CCDC141: variants seen among roughly 807,000 people sequenced by gnomAD.
The protein encoded by CCDC141 is coiled-coil domain-containing protein 141.
A neutral mutation model predicts 181.0 loss-of-function variants in CCDC141; 168 were observed. The ratio of observed to expected loss-of-function variants is 0.93; its 90% CI spans 0.82 to 1.05. The LOEUF (loss-of-function observed/expected upper bound fraction) is 1.05. CCDC141 is among the 50% of genes least tolerant of loss of function. CCDC141 has a pLI of 0.00. For missense variants in CCDC141, 1,902 were observed against 1,788.5 expected (o/e 1.06, Z -1.14); for synonymous variants, 666 against 642.3 (o/e 1.04, Z -0.56).
intron 2 of CCDC141, among the ~76,000 whole-genome samples, chr2:179,005,721 A>G (rs2042105870): frequency 6.6e-6 from 1 of 151,916 alleles, no homozygotes. Flanking sequence ...TGCAACCTCT[A>G]CTTCCCCCGA....
intron 4 of CCDC141, 124 bp from the exon 5 acceptor site, chr2:178,961,607 C>A: frequency 1.2e-6 from 1 of 854,568 alleles, no homozygotes; most frequent in South Asian, 2.1e-5. Context: ...AGTTGTGCTG[C>A]AAGGAATTAA....
chr2:178,984,604 T>C (rs1427741838), intron 2 of CCDC141, among the ~76,000 whole-genome samples: 2 of 148,500 alleles, frequency 1.3e-5, no homozygotes, highest in Non-Finnish European at 3.0e-5. Flanking sequence ...AGGCTCAAAA[T>C]AAAAGGATGG....
At chr2:178,844,793 G>A (rs1462039333) in intron 22 of CCDC141, among the ~76,000 whole-genome samples, 1 of 152,184 alleles carries the variant, frequency 6.6e-6, no homozygotes, top group African/African-American at 2.4e-5. Context: ...CACAAGAAGT[G>A]TATTTTATTA....
chr2:179,007,927 GTTAA>G (rs1395494226), intron 2 of CCDC141, among the ~76,000 whole-genome samples: 2 of 152,188 alleles, frequency 1.3e-5, no homozygotes, highest in Admixed American at 6.5e-5. Flanking sequence ...ACGCAGTGAT[GTTAA>G]TTGATTCAGA....
intron 4 of CCDC141, among the ~76,000 whole-genome samples, chr2:178,964,685 C>A (rs762044000): frequency 1.3e-5 from 2 of 152,128 alleles, no homozygotes; most frequent in Non-Finnish European, 2.9e-5. Flanking sequence ...CAGTTTCTTA[C>A]GTTTTTCTTT....
intron 16 of CCDC141, 29 bp from the exon 17 acceptor site, chr2:178,865,945 A>G: frequency 7.0e-7 from 1 of 1,427,268 alleles, no homozygotes; most frequent in South Asian, 1.7e-5. Flanking sequence ...GGTAACAGAG[A>G]GAAAGGACGA....
Position 178,850,149 on chromosome 2 carries a change from CCTT to C in CCDC141, c.3254_3256del (p.Glu1085del), listed in dbSNP as rs1274548262. The C allele has an allele frequency of 1.5e-5, 24 of 1,595,392 alleles. No individual in the cohort carries two copies. The highest frequency in any genetic ancestry group is 6.7e-5 in the African/African-American group (5 of 74,396). On this transcript the variant is annotated inframe_deletion, in exon 21 of 24. Transcript: ENST00000443758. ...CACTATTTTCTCAATATATTTCTGTCCTTCTTCCAAACCTGGGGAGGAGAAGGA... is the reference window on the plus strand; with the variant it reads ...CACTATTTTCTCAATATATTTCTGTCCTTCCAAACCTGGGGAGGAGAAGGA...
At chr2:178,884,773 TA>T in intron 11 of CCDC141, 127 bp downstream of exon 11, 1 of 602,442 alleles carries the variant, frequency 1.7e-6, no homozygotes. Flanking sequence ...ACAGGGCCTA[TA>T]AGTGAGCCCA....
intron 2 of CCDC141, among the ~76,000 whole-genome samples, chr2:179,034,925 A>C (rs1424117182): frequency 6.6e-6 from 1 of 152,120 alleles, no homozygotes; most frequent in African/African-American, 2.4e-5. Flanking sequence ...TTTCCACGTA[A>C]ATTGCAAATA....
At chr2:179,022,050 T>C (rs1001356240) in intron 2 of CCDC141, among the ~76,000 whole-genome samples, 4 of 152,198 alleles carry the variant, frequency 2.6e-5, no homozygotes, top group African/African-American at 9.6e-5. Context: ...AAATGACTCT[T>C]CCATATCTGT....
chr2:179,028,911 T>A (rs570879746), intron 2 of CCDC141, among the ~76,000 whole-genome samples: 16 of 152,310 alleles, frequency 1.1e-4, no homozygotes, highest in Admixed American at 2.0e-4. Context: ...CGTAAAACTC[T>A]ATTTTGTTAA....
chr2:178,903,456 G>T (rs534661210), intron 8 of CCDC141, among the ~76,000 whole-genome samples: 1 of 151,942 alleles, frequency 6.6e-6, no homozygotes, highest in Middle Eastern at 3.2e-3. Context: ...GTCCTTTGTA[G>T]GGACATGGAT....
chr2:178,993,742 G>A (rs967852633), intron 2 of CCDC141, among the ~76,000 whole-genome samples: 15 of 152,248 alleles, frequency 9.9e-5, no homozygotes, highest in Middle Eastern at 3.4e-3. Flanking sequence ...CTGCCTATGA[G>A]CCTGTAAAAT....
intron 2 of CCDC141, among the ~76,000 whole-genome samples, chr2:179,004,838 C>T (rs1202177801): frequency 6.6e-6 from 1 of 152,152 alleles, no homozygotes; most frequent in East Asian, 1.9e-4. Flanking sequence ...TCAAGCCATC[C>T]TCCTGCCTCG....
At position 179,027,770 on chromosome 2, in the gene CCDC141, C is replaced by T. The variant is rs150538238; in HGVS notation, c.225+19514G>A. ...TTGCCTTCCACCATGATTGTGAGGC[C>T]TCCCCAACCATGTGGAACAGTAAGT... On this transcript the variant is annotated intron_variant, in intron 2 of 23. Coordinates refer to ENST00000443758, the MANE Select transcript of CCDC141 (RefSeq NM_173648.4). Among the ~76,000 whole-genome samples the T allele has an allele frequency of 2.2e-4, 34 of 151,450 alleles. No individual in the cohort carries two copies. In the East Asian group the frequency reaches 6.7e-3, roughly 30 times the overall value.
chr2:178,852,155 A>C (rs947212540), intron 20 of CCDC141, among the ~76,000 whole-genome samples: 7 of 152,336 alleles, frequency 4.6e-5, no homozygotes, highest in Non-Finnish European at 1.0e-4. Flanking sequence ...ACAAATACCT[A>C]TATAAAATGT....
At chr2:178,934,527 T>C (rs1408099031) in intron 6 of CCDC141, among the ~76,000 whole-genome samples, 2 of 152,142 alleles carry the variant, frequency 1.3e-5, no homozygotes, top group Non-Finnish European at 2.9e-5. Context: ...TCATATTCGG[T>C]AAAGAAAGTA....
chr2:179,031,320 T>G (rs891446845), intron 2 of CCDC141, among the ~76,000 whole-genome samples: 3 of 152,046 alleles, frequency 2.0e-5, no homozygotes, highest in Non-Finnish European at 4.4e-5. Context: ...TTTATTATGC[T>G]TTTAATATCT....
rs1365024264 is a variant in CCDC141 at position 179,010,710 on chromosome 2, A to G, written c.226-32035T>C. Among the ~76,000 whole-genome samples the G allele has an allele frequency of 1.3e-5, 2 of 152,188 alleles. 1 individual carries two copies. Among genetic ancestry groups the G allele is most frequent in the South Asian group, 4.2e-4 (2 of 4,802 alleles). Reference sequence around the variant, plus strand: ...ACAGAACCTCTTTAAAGCATAAATCACATAGGACCTATAAAACAAAAATAC... The same window carrying G: ...ACAGAACCTCTTTAAAGCATAAATCGCATAGGACCTATAAAACAAAAATAC... On this transcript the variant is annotated intron_variant, in intron 2 of 23. Transcript: ENST00000443758.
Sources: gnomAD v4.1 joint callset for allele counts (sites outside exome capture counted in the v4.1 genomes callset) on GRCh38, gnomAD v4.1.1 for gene constraint, MANE v1.5 for transcripts, NCBI Gene and HGNC (gene_info 2026-07-23, HGNC 2026-07-21) for gene names.